The following ZNF2 variants were observed in gnomAD, a reference collection of about 807,000 sequenced individuals.
ZNF2 encodes zinc finger protein 2, also known as zinc finger protein 2.2.
A neutral mutation model predicts 21.9 loss-of-function variants in ZNF2; 12 were observed. The observed-to-expected ratio is 0.55, with a 90% CI of 0.35 to 0.89. ZNF2 has a LOEUF of 0.89. ZNF2 is among the 40% of genes least tolerant of loss of function. ZNF2 has a pLI of 0.01. For missense variants in ZNF2, 462 were observed against 544.2 expected (o/e 0.85, Z 1.50); for synonymous variants, 186 against 196.3 (o/e 0.95, Z 0.44).
At chr2:95,177,453 G>C in intron 2 of ZNF2, 30 bp from the exon 3 acceptor site, 1 of 1,610,148 alleles carries the variant, frequency 6.2e-7, no homozygotes, top group Non-Finnish European at 8.5e-7. Flanking sequence ...GAAGGATTAA[G>C]AGTAAGGGAG....
chr2:95,167,894 G>T (rs1376624763), intron 1 of ZNF2, among the ~76,000 whole-genome samples: 1 of 151,880 alleles, frequency 6.6e-6, no homozygotes, highest in African/African-American at 2.4e-5. Context: ...TTTCAGGTGT[G>T]TGAGGGGCAA....
At chr2:95,181,071 A>G in intron 4 of ZNF2, 32 bp from the exon 5 acceptor site, 2 of 1,598,206 alleles carry the variant, frequency 1.3e-6, no homozygotes, top group East Asian at 2.2e-5. Context: ...TAGCCCAGGA[A>G]AAAAACTGCA....
At chr2:95,177,350 A>C in intron 2 of ZNF2, 133 bp from the exon 3 acceptor site, 1 of 1,055,264 alleles carries the variant, frequency 9.5e-7, no homozygotes, top group Non-Finnish European at 1.4e-6. Flanking sequence ...AATGCTTTAA[A>C]GTTCTACTCA....
intron 2 of ZNF2, among the ~76,000 whole-genome samples, chr2:95,176,686 C>T (rs1674454627): frequency 6.6e-6 from 1 of 152,188 alleles, no homozygotes; most frequent in Non-Finnish European, 1.5e-5. Flanking sequence ...GTGCTAAGAG[C>T]CCTGAAGAGA....
chr2:95,172,422 C>T (rs1294160320), intron 1 of ZNF2, among the ~76,000 whole-genome samples: 1 of 152,088 alleles, frequency 6.6e-6, no homozygotes, highest in Non-Finnish European at 1.5e-5. Flanking sequence ...CCCTTCTTTC[C>T]TTCCTGTTAT....
chr2:95,180,982 A>G (rs1674617600), intron 4 of ZNF2, 121 bp from the exon 5 acceptor site: 2 of 1,235,604 alleles, frequency 1.6e-6, no homozygotes, highest in Admixed American at 2.2e-5. Context: ...GTGTAAGACT[A>G]TCTATGGGAG....
Position 95,181,819 on chromosome 2 carries a change from C to G in ZNF2, c.991C>G (p.His331Asp). ...CTATGGTGTCTCGTCTCTGAATAGA[C>G]ATCAGAAAGCTCATGCTGGGGACCC... ...AFYGVSSLNRHQKAHAGDPRY... is the reference protein window; with the variant it reads ...AFYGVSSLNRDQKAHAGDPRY... Residue 331 changes from histidine to aspartate, a missense_variant, in exon 5 of 5, where the codon CAT becomes GAT. Physicochemically the swap from His to Asp is moderately conservative, Grantham distance 81. Transcript: ENST00000614034. 1 of 1,614,230 alleles carries G rather than the reference C, an allele frequency of 6.2e-7. No individual in the cohort carries two copies. The highest frequency in any genetic ancestry group is 8.5e-7 in the Non-Finnish European group (1 of 1,180,042).
chr2:95,179,772 T>C (rs773489398), intron 3 of ZNF2, among the ~76,000 whole-genome samples: 3 of 152,218 alleles, frequency 2.0e-5, no homozygotes, highest in Non-Finnish European at 2.9e-5. Flanking sequence ...ACTTAGATGC[T>C]GTGGCCAGGC....
intron 2 of ZNF2, among the ~76,000 whole-genome samples, chr2:95,177,123 T>C (rs1278793547): frequency 6.6e-6 from 1 of 152,166 alleles, no homozygotes; most frequent in East Asian, 1.9e-4. Context: ...AACAAAAAGA[T>C]AGGAGAATGT....
chr2:95,181,256 G>A lies in ZNF2; in HGVS notation c.428G>A (p.Gly143Glu), dbSNP rs771295055. 3 of 1,614,186 alleles carry A rather than the reference G, an allele frequency of 1.9e-6. No individual in the cohort carries two copies. Among genetic ancestry groups the A allele is most frequent in the South Asian group, 1.1e-5 (1 of 91,088 alleles). The change falls in exon 5 of 5, where the codon GGG (glycine) becomes GAG (glutamate). Residue 143 changes from glycine (G) to glutamate (E), a missense_variant. Coordinates refer to ENST00000614034, the MANE Select transcript of ZNF2 (RefSeq NM_021088.4). ...RMGTEKQSPSGETRKKSLSRD... is the reference protein window; with the variant it reads ...RMGTEKQSPSEETRKKSLSRD... The stretch of plus-strand genomic sequence containing the variant: ...GGAACAGAAAAGCAAAGCCCTTCAG[G>A]GGAGACTCGTAAGAAATCCCTCTCC...
At position 95,176,956 on chromosome 2, in the gene ZNF2, T is replaced by C. The variant is rs575197122; in HGVS notation, c.34-527T>C. 7.2e-5 allele frequency among the ~76,000 whole-genome samples: 11 copies of C among 152,318 alleles called. No individual in the cohort carries two copies. The East Asian group carries it at 1.9e-3, about 27-fold the overall frequency. On this transcript the variant is annotated intron_variant, in intron 2 of 4. Transcript: ENST00000614034. ...GACAATTGGTGAAATTTGAGTAAGA[T>C]TGTAGATTAGATAATAGTATAAGAT...
At chr2:95,177,402 G>A in intron 2 of ZNF2, 81 bp from the exon 3 acceptor site, 1 of 1,535,456 alleles carries the variant, frequency 6.5e-7, no homozygotes, top group Non-Finnish European at 8.8e-7. Context: ...CGTCCTCCAG[G>A]GCTGTCATCT....
In ZNF2 at chr2:95,180,961, C is replaced by T. The variant is rs192227123; in HGVS notation, c.275-142C>T. On this transcript the variant is annotated intron_variant, in intron 4 of 4. Coordinates refer to ENST00000614034, the MANE Select transcript of ZNF2 (RefSeq NM_021088.4). The stretch of plus-strand genomic sequence containing the variant: ...ACCTTCTTCACTCCCAGGTCTTAGT[C>T]CCTCCCTGCCGTGTAAGACTATCTA... 1,598 of 996,780 alleles carry T rather than the reference C, an allele frequency of 1.6e-3. 17 individuals carry two copies. The African/African-American group carries it at 0.023, about 14-fold the overall frequency. 61.7% of individuals were successfully genotyped at this position (996,780 alleles called of 1,614,324 possible). A position where few individuals can be genotyped will look rare whatever the true frequency, so the allele number is the denominator to read the frequency against.
At chr2:95,170,296 C>T (rs556867306) in intron 1 of ZNF2, among the ~76,000 whole-genome samples, 17 of 152,302 alleles carry the variant, frequency 1.1e-4, no homozygotes, top group African/African-American at 3.8e-4. Flanking sequence ...AATCTCTCCC[C>T]GTTAGGTTGG....
At chr2:95,170,853 C>T (rs1276749396) in intron 1 of ZNF2, among the ~76,000 whole-genome samples, 1 of 152,170 alleles carries the variant, frequency 6.6e-6, no homozygotes, top group Non-Finnish European at 1.5e-5. Flanking sequence ...GATTAGTCCT[C>T]CCTGTTTGGG....
chr2:95,179,732 G>A (rs973432072), intron 3 of ZNF2, among the ~76,000 whole-genome samples: 9 of 152,136 alleles, frequency 5.9e-5, no homozygotes, highest in South Asian at 2.1e-4. Context: ...TGGCTTGTGC[G>A]TTCTGCCTTT....
chr2:95,170,121 T>C (rs554290684), intron 1 of ZNF2, among the ~76,000 whole-genome samples: 11 of 152,334 alleles, frequency 7.2e-5, no homozygotes, highest in African/African-American at 2.6e-4. Context: ...TTCTAGGGCC[T>C]AAGGGTAATA....
chr2:95,176,218 C>G lies in ZNF2; in HGVS notation c.-9C>G. 1 of 1,614,178 alleles carries G rather than the reference C, an allele frequency of 6.2e-7. No homozygotes were observed. Among genetic ancestry groups the G allele is most frequent in the Non-Finnish European group, 8.5e-7 (1 of 1,180,038 alleles). ...TGCCCTTGTCCACAAGGAGAGCACA[C>G]AGGAGAGAATGGCTGCTGTGTCTCC... On this transcript the variant is annotated 5_prime_UTR_variant, in exon 2 of 5. Coordinates refer to ENST00000614034, the MANE Select transcript of ZNF2 (RefSeq NM_021088.4).
chr2:95,177,691 C>T (rs1674495405), intron 3 of ZNF2, 82 bp downstream of exon 3: 1 of 1,503,834 alleles, frequency 6.6e-7, no homozygotes, highest in South Asian at 1.3e-5. Flanking sequence ...ATACCGTTCT[C>T]CTCCCCGCTG....
Sources: allele counts gnomAD v4.1 joint callset (sites outside exome capture counted in the v4.1 genomes callset), GRCh38; gene constraint gnomAD v4.1.1; transcripts MANE v1.5; gene names NCBI Gene and HGNC (gene_info 2026-07-23, HGNC 2026-07-21).